Variants in REST observed in about 807,000 individuals in gnomAD.
REST encodes the protein RE1 silencing transcription factor.
REST carries 1 observed loss-of-function variant against 30.4 expected under a neutral mutation model. That is an observed-to-expected ratio of 0.03 (90% CI 0.01 to 0.16). The LOEUF is 0.16. Among genes scored for constraint, REST ranks in the 10% least tolerant of loss-of-function variants. REST has a pLI of 1.00. For missense variants in REST, 1,259 were observed against 1,329.5 expected (o/e 0.95, Z 0.82); for synonymous variants, 504 against 451.1 (o/e 1.12, Z -1.49).
rs201400863 is a variant in REST at position 56,911,483 on chromosome 4, A to G, written c.845A>G (p.Asn282Ser). The G allele has an allele frequency of 1.1e-5, 17 of 1,613,938 alleles. No homozygotes were observed. The Admixed American group carries it at 1.8e-4, about 17-fold the overall frequency. The change falls in exon 2 of 4, where the codon AAC (asparagine) becomes AGC (serine). Residue 282 changes from asparagine to serine, a missense_variant. Asn to Ser is a conservative substitution (Grantham distance 46, BLOSUM62 1). Transcript: ENST00000309042. Reference protein sequence around the residue: ...PRKVYTCGKCNYFSDRKNNYV... With the variant: ...PRKVYTCGKCSYFSDRKNNYV... ...AAAGTATACACATGTGGAAAATGCA[A>G]CTATTTTTCAGACAGAAAAAACAAT...
chr4:56,929,701 A>T, intron 3 of REST, 140 bp from the exon 4 acceptor site: 1 of 638,966 alleles, frequency 1.6e-6, no homozygotes, highest in Non-Finnish European at 2.5e-6. Flanking sequence ...ATGTTATACA[A>T]ATAAATATGG....
rs1277935058 is a variant in REST, at chr4:56,919,773, T to C, written c.899-14T>C. The C allele has an allele frequency of 2.6e-6, 4 of 1,560,782 alleles. No homozygotes were observed. The highest frequency in any genetic ancestry group is 1.4e-5 in the African/African-American group (1 of 73,892). On this transcript the variant is annotated splice_polypyrimidine_tract_variant and intron_variant, in intron 2 of 3. Coordinates refer to ENST00000309042, the MANE Select transcript of REST (RefSeq NM_005612.5). Reference sequence around the variant, plus strand: ...GTGACATTTAAACACTCTTATATTATTGAAATTTTGCAGGAGAACGCCCAT... The same window carrying C: ...GTGACATTTAAACACTCTTATATTACTGAAATTTTGCAGGAGAACGCCCAT...
At position 56,933,642 on chromosome 4, in the gene REST, T is replaced by C. The variant is rs1053009411; in HGVS notation, c.*1490T>C. ...AAATGAATTGCAGCTATCCTGGTGT[T>C]CCTATGAGGGCACTTTGTATGAAAA... On this transcript the variant is annotated 3_prime_UTR_variant, in exon 4 of 4. Coordinates refer to ENST00000309042, the MANE Select transcript of REST (RefSeq NM_005612.5). The C allele has an allele frequency of 3.3e-5, 5 of 152,212 alleles. No homozygotes were observed. The highest frequency in any genetic ancestry group is 4.8e-5 in the African/African-American group (2 of 41,460). 9.4% of individuals were successfully genotyped at this position (152,212 alleles called of 1,614,324 possible).
At chr4:56,908,475 G>A (rs1376704176) in intron 1 of REST, among the ~76,000 whole-genome samples, 1 of 151,970 alleles carries the variant, frequency 6.6e-6, no homozygotes, top group African/African-American at 2.4e-5. Context: ...CCCCACTGGA[G>A]GCTGGGACGC....
chr4:56,930,434 G>A lies in REST; in HGVS notation c.1576G>A (p.Asp526Asn). The A allele has an allele frequency of 6.2e-7, 1 of 1,613,936 alleles. No homozygotes were observed. Among genetic ancestry groups the A allele is most frequent in the Non-Finnish European group, 8.5e-7 (1 of 1,180,004 alleles). Reference sequence around the variant, plus strand: ...GAAAAGCAAAAGGAAGCTGGAAGTTGACAGCCATTCTTTACATGGTCCTGT... The same window carrying A: ...GAAAAGCAAAAGGAAGCTGGAAGTTAACAGCCATTCTTTACATGGTCCTGT... ...TKKSKRKLEV[D>N]SHSLHGPVND... Residue 526 changes from aspartate to asparagine, a missense_variant, in exon 4 of 4, where the codon GAC (aspartate) becomes AAC (asparagine). By Grantham distance (23) the Asp-to-Asn change is conservative. Transcript: ENST00000309042.
chr4:56,908,984 C>CGGGGCGGTCGGAGGGGCCCG (rs1028653061), intron 1 of REST: 1 of 151,782 alleles, frequency 6.6e-6, no homozygotes, highest in East Asian at 1.9e-4. Context: ...GGGCGAGCCC[C>CGGGGCGGTCGGAGGGGCCCG]GGGGCGGTCG....
Position 56,908,227 on chromosome 4 carries a change from T to G in REST, c.-10+14T>G. 1 of 136,484 alleles carries G rather than the reference T, an allele frequency of 7.3e-6. No homozygotes were observed. 8.5% of individuals were successfully genotyped at this position (136,484 alleles called of 1,614,324 possible). A position where few individuals can be genotyped will look rare whatever the true frequency, so the allele number is the denominator to read the frequency against. On this transcript the variant is annotated intron_variant, in intron 1 of 3. Coordinates refer to ENST00000309042, the MANE Select transcript of REST (RefSeq NM_005612.5). ...CGAGGAAGGCCGGTAAGTGGGGCGCTGGGCTGGGGGCTCGGTCAGGGTGGG... is the reference window on the plus strand; with the variant it reads ...CGAGGAAGGCCGGTAAGTGGGGCGCGGGGCTGGGGGCTCGGTCAGGGTGGG...
chr4:56,928,753 A>AT (rs1720821853), intron 3 of REST, among the ~76,000 whole-genome samples: 1 of 147,072 alleles, frequency 6.8e-6, no homozygotes, highest in South Asian at 2.2e-4. Context: ...GCCCAGCTAA[A>AT]TTTTTTTATA....
At position 56,930,346 on chromosome 4, in the gene REST, A is replaced by G; in HGVS notation, c.1488A>G (p.Val496=). Residue 496 remains valine, a synonymous_variant, in exon 4 of 4, where the codon GTA becomes GTG. Transcript: ENST00000309042. ...IQVTTRTRKS[V]TEVKEMDVHT... ...TGACTACCAGAACTCGAAAATCAGT[A>G]ACAGAGGTGAAAGAGATGGATGTGC... The G allele has an allele frequency of 1.2e-6, 2 of 1,614,152 alleles. No homozygotes were observed. Among genetic ancestry groups the G allele is most frequent in the South Asian group, 1.1e-5 (1 of 91,072 alleles).
chr4:56,927,099 G>GAA (rs11378040), intron 3 of REST, among the ~76,000 whole-genome samples: 45 of 145,584 alleles, frequency 3.1e-4, no homozygotes, highest in Admixed American at 5.5e-4. Flanking sequence ...TCCATCTCAA[G>GAA]AAAAAAAAAA....
intron 2 of REST, among the ~76,000 whole-genome samples, chr4:56,917,126 C>A (rs910907299): frequency 1.3e-5 from 2 of 152,178 alleles, no homozygotes; most frequent in African/African-American, 4.8e-5. Context: ...TAATGTTCAT[C>A]TTTTCATGTG....
chr4:56,928,407 G>C lies in REST; in HGVS notation c.983-1434G>C, dbSNP rs150949517. On this transcript the variant is annotated intron_variant, in intron 3 of 3. Coordinates refer to ENST00000309042, the MANE Select transcript of REST (RefSeq NM_005612.5). ...CAGGTGTGAGCCACCACACCTGGCT[G>C]GGAATTTTATTTATTGATGTATTTT... 4.3e-4 allele frequency among the ~76,000 whole-genome samples: 65 copies of C among 152,016 alleles called. No homozygotes were observed. The East Asian group carries it at 0.011, about 26-fold the overall frequency.
chr4:56,923,690 C>T (rs1024705382), intron 3 of REST, among the ~76,000 whole-genome samples: 7 of 151,398 alleles, frequency 4.6e-5, no homozygotes, highest in South Asian at 2.1e-4. Context: ...TGAGTCACCG[C>T]GCCTGGCTGG....
chr4:56,923,763 C>G (rs951384413), intron 3 of REST, among the ~76,000 whole-genome samples: 2 of 151,550 alleles, frequency 1.3e-5, no homozygotes, highest in African/African-American at 4.9e-5. Flanking sequence ...TTGCTGTCGC[C>G]CAGGCTGGAG....
chr4:56,921,012 C>T (rs750297722), intron 3 of REST, among the ~76,000 whole-genome samples: 4 of 151,688 alleles, frequency 2.6e-5, no homozygotes, highest in African/African-American at 7.3e-5. Context: ...ATTACAGGCG[C>T]GCACCACCAT....
At chr4:56,910,496 G>A (rs948691350) in intron 1 of REST, 134 bp from the exon 2 acceptor site, 21 of 681,748 alleles carry the variant, frequency 3.1e-5, no homozygotes, top group Non-Finnish European at 4.8e-5. Flanking sequence ...TTTTTAATAG[G>A]CGATGAAGTT....
Position 56,932,240 on chromosome 4 carries a change from T to G in REST, c.*88T>G, listed in dbSNP as rs1351818364. The G allele has an allele frequency of 2.2e-6, 3 of 1,379,654 alleles. No individual in the cohort carries two copies. Among genetic ancestry groups the G allele is most frequent in the Non-Finnish European group, 2.9e-6 (3 of 1,020,814 alleles). 85.5% of individuals were successfully genotyped at this position (1,379,654 alleles called of 1,614,324 possible). A position where few individuals can be genotyped will look rare whatever the true frequency, so the allele number is the denominator to read the frequency against. On this transcript the variant is annotated 3_prime_UTR_variant, in exon 4 of 4. Transcript: ENST00000309042. ...ATGATAGCAGACAACCTTTTAAGAT[T>G]GCTTTAATTAGTATCTGATGTTGAT...
At chr4:56,927,238 A>G (rs1391003904) in intron 3 of REST, among the ~76,000 whole-genome samples, 2 of 152,200 alleles carry the variant, frequency 1.3e-5, no homozygotes, top group Non-Finnish European at 2.9e-5. Context: ...GCCTTATGCT[A>G]CCTATCTTTC....
At chr4:56,918,280 C>G (rs1199040258) in intron 2 of REST, among the ~76,000 whole-genome samples, 1 of 151,846 alleles carries the variant, frequency 6.6e-6, no homozygotes, top group African/African-American at 2.4e-5. Flanking sequence ...TTGCTTGAGC[C>G]CAGAAGTTCG....
Sources: gnomAD v4.1 joint callset for allele counts (sites outside exome capture counted in the v4.1 genomes callset) on GRCh38, gnomAD v4.1.1 for gene constraint, MANE v1.5 for transcripts, NCBI Gene and HGNC (gene_info 2026-07-23, HGNC 2026-07-21) for gene names.